Variants in GCNT2 observed in about 807,000 individuals in gnomAD.
GCNT2 encodes the protein N-acetyllactosaminide beta-1,6-N-acetylglucosaminyl-transferase.
In GCNT2, 34 loss-of-function variants were observed where a neutral mutation model predicts 34.2. That is an observed-to-expected ratio of 1.00 (90% CI 0.76 to 1.32). GCNT2 has a LOEUF of 1.32. GCNT2 is among the 40% of genes most tolerant of loss of function. GCNT2 has a pLI of 0.00. For missense variants in GCNT2, 584 were observed against 489.4 expected, an observed-to-expected ratio of 1.19 and a Z score of -1.82; for synonymous variants, 212 against 188.0, an observed-to-expected ratio of 1.13 and a Z score of -1.04.
chr6:10,579,330 T>G (rs1038268531), intron 3 of GCNT2, among the ~76,000 whole-genome samples: 1 of 152,192 alleles, frequency 6.6e-6, no homozygotes, highest in Admixed American at 6.5e-5. Context: ...AGAAATGCAT[T>G]TTTAAATAGA....
intron 3 of GCNT2, among the ~76,000 whole-genome samples, chr6:10,540,804 G>A (rs1274004619): frequency 6.6e-6 from 1 of 152,128 alleles, no homozygotes; most frequent in Admixed American, 6.5e-5. Flanking sequence ...CACAGGGTGG[G>A]ATTCCTAAAT....
At chr6:10,612,701 A>T (rs1028926388) in intron 3 of GCNT2, among the ~76,000 whole-genome samples, 8 of 152,228 alleles carry the variant, frequency 5.3e-5, no homozygotes, top group African/African-American at 1.9e-4. Flanking sequence ...GAGGTTTTAA[A>T]GACGAGTACA....
intron 3 of GCNT2, among the ~76,000 whole-genome samples, chr6:10,582,373 ATAATT>A (rs528779975): frequency 0.11 from 13,136 of 118,444 alleles, 906 homozygotes; most frequent in Non-Finnish European, 0.15. Flanking sequence ...AATATATACT[ATAATT>A]TAATATTTAT....
chr6:10,595,140 C>T (rs2127422014), intron 3 of GCNT2, among the ~76,000 whole-genome samples: 1 of 152,212 alleles, frequency 6.6e-6, no homozygotes, highest in East Asian at 1.9e-4. Context: ...TTCACTTACC[C>T]CTTACATAAC....
At chr6:10,596,784 C>G (rs1764871512) in intron 3 of GCNT2, among the ~76,000 whole-genome samples, 1 of 151,284 alleles carries the variant, frequency 6.6e-6, no homozygotes, top group African/African-American at 2.4e-5. Flanking sequence ...ATAGAATTGA[C>G]ACGATGATAT....
chr6:10,595,613 G>A (rs1346514563), intron 3 of GCNT2, among the ~76,000 whole-genome samples: 1 of 152,034 alleles, frequency 6.6e-6, no homozygotes, highest in Non-Finnish European at 1.5e-5. Flanking sequence ...GCCGTACCAT[G>A]TTCCAGAAAG....
In GCNT2 at chr6:10,596,497, G is replaced by A. The variant is rs139689217; in HGVS notation, c.926-24854G>A. On this transcript the variant is annotated intron_variant, in intron 3 of 4. Coordinates refer to ENST00000495262, the MANE Select transcript of GCNT2 (RefSeq NM_145649.5). ...GATTGCGCCACTGCACTCCAGGCTG[G>A]GCAAGAGAGTGAGACTCCATCTCAA... 5.8e-3 allele frequency among the ~76,000 whole-genome samples: 887 copies of A among 152,032 alleles called. 1 individual carries two copies. Among genetic ancestry groups the A allele is most frequent in the Non-Finnish European group, 9.0e-3 (610 of 67,968 alleles).
At chr6:10,625,518 TAA>T (rs572557483) in intron 4 of GCNT2, among the ~76,000 whole-genome samples, 17 of 145,598 alleles carry the variant, frequency 1.2e-4, no homozygotes, top group African/African-American at 2.5e-4. Context: ...CTATTGAGGT[TAA>T]AAAAAAAAAA....
At chr6:10,525,080 GGAT>G (rs1761122668) in intron 1 of GCNT2, among the ~76,000 whole-genome samples, 1 of 152,084 alleles carries the variant, frequency 6.6e-6, no homozygotes, top group African/African-American at 2.4e-5. Context: ...ATTAAGGTGA[GGAT>G]GATGGGATTC....
chr6:10,622,561 A>G (rs2127445723), intron 4 of GCNT2, among the ~76,000 whole-genome samples: 1 of 151,980 alleles, frequency 6.6e-6, no homozygotes, highest in East Asian at 1.9e-4. Context: ...ACTCTGAGAC[A>G]CTCAGTGTTA....
At chr6:10,530,808 A>G (rs939437065) in intron 3 of GCNT2, among the ~76,000 whole-genome samples, 1 of 152,052 alleles carries the variant, frequency 6.6e-6, no homozygotes, top group African/African-American at 2.4e-5. Context: ...TAATCCCAGC[A>G]CTTTGGGAGG....
At chr6:10,532,288 G>A (rs115665139) in intron 3 of GCNT2, among the ~76,000 whole-genome samples, 1 of 152,146 alleles carries the variant, frequency 6.6e-6, no homozygotes, top group South Asian at 2.1e-4. Flanking sequence ...TACACCCCGT[G>A]TTAGCAGTAA....
At chr6:10,562,652 C>A (rs1763043213) in intron 3 of GCNT2, among the ~76,000 whole-genome samples, 2 of 111,590 alleles carry the variant, frequency 1.8e-5, no homozygotes, top group South Asian at 3.3e-4. Flanking sequence ...GTCAGAACTT[C>A]TCTGAAAAAA....
intron 3 of GCNT2, among the ~76,000 whole-genome samples, chr6:10,578,445 CTTTTT>C (rs1211582798): frequency 1.7e-3 from 176 of 103,916 alleles, no homozygotes; most frequent in Middle Eastern, 6.4e-3. Context: ...AGCTTACATT[CTTTTT>C]TTTTTTTTTT....
At chr6:10,567,542 C>CT (rs1406407651) in intron 3 of GCNT2, among the ~76,000 whole-genome samples, 1 of 152,200 alleles carries the variant, frequency 6.6e-6, no homozygotes, top group East Asian at 1.9e-4. Context: ...GGAATATTAA[C>CT]TTTTAGGCCT....
In GCNT2 at chr6:10,621,507, G is replaced by T. The variant is rs941173230; in HGVS notation, c.1018+64G>T. On this transcript the variant is annotated intron_variant, in intron 4 of 4. Transcript: ENST00000495262. ...TGGTGTTAGCAGGAAGGTAGCTGTG[G>T]AATCCAGGGTTCTCATGGAGAGAGA... 14 of 1,012,562 alleles carry T rather than the reference G, an allele frequency of 1.4e-5. No individual in the cohort carries two copies. The African/African-American group carries it at 2.1e-4, about 15-fold the overall frequency. The allele number at this position is 1,012,562 out of a possible 1,614,324, so 62.7% of individuals were successfully genotyped here.
intron 3 of GCNT2, among the ~76,000 whole-genome samples, chr6:10,535,758 C>T (rs939566170): frequency 2.6e-5 from 4 of 152,106 alleles, no homozygotes; most frequent in African/African-American, 9.7e-5. Flanking sequence ...TGGGAGCAGG[C>T]TTTGTGGGCG....
At chr6:10,576,721 A>G (rs944384632) in intron 3 of GCNT2, among the ~76,000 whole-genome samples, 4 of 152,048 alleles carry the variant, frequency 2.6e-5, no homozygotes, top group Non-Finnish European at 5.9e-5. Context: ...AAGAAGAACC[A>G]GGATTCAGAG....
chr6:10,598,842 T>C lies in GCNT2; in HGVS notation c.926-22509T>C, dbSNP rs9918377. On this transcript the variant is annotated intron_variant, in intron 3 of 4. Transcript: ENST00000495262. ...GTGTGTGACGTGAGGCTAATTATGTTCTCTCTCTGATTCTCAGTTTCTGTA... is the reference window on the plus strand; with the variant it reads ...GTGTGTGACGTGAGGCTAATTATGTCCTCTCTCTGATTCTCAGTTTCTGTA... 2.0e-3 allele frequency among the ~76,000 whole-genome samples: 300 copies of C among 152,258 alleles called. 1 individual carries two copies. Among genetic ancestry groups the C allele is most frequent in the African/African-American group, 7.2e-3 (297 of 41,532 alleles).
Sources: allele counts gnomAD v4.1 joint callset (sites outside exome capture counted in the v4.1 genomes callset), GRCh38; gene constraint gnomAD v4.1.1; transcripts MANE v1.5; gene names NCBI Gene and HGNC (gene_info 2026-07-23, HGNC 2026-07-21).